TLN2: variants seen among roughly 807,000 people sequenced by gnomAD.
TLN2 encodes the protein talin-2.
Under a neutral mutation model 294.7 loss-of-function variants are expected in TLN2, and 118 were observed. The ratio of observed to expected loss-of-function variants is 0.40; its 90% CI spans 0.34 to 0.47. The LOEUF is 0.47. Among genes scored for constraint, TLN2 ranks in the 20% least tolerant of loss-of-function variants. The probability of loss-of-function intolerance (pLI) is 0.84; values close to 1 mark genes in which losing one functional copy is unlikely to be tolerated. For synonymous variants in TLN2, 1,431 were observed against 1,304.5 expected (o/e 1.10, Z -2.09); for missense variants, 3,083 against 3,282.2 (o/e 0.94, Z 1.48).
chr15:62,557,822 T>C (rs2042694892), intron 1 of TLN2, among the ~76,000 whole-genome samples: 1 of 152,240 alleles, frequency 6.6e-6, no homozygotes, highest in South Asian at 2.1e-4. Flanking sequence ...ATTACAGGCG[T>C]GAGCCACTGT....
intron 1 of TLN2, among the ~76,000 whole-genome samples, chr15:62,444,447 G>A (rs1394472585): frequency 2.0e-5 from 3 of 152,234 alleles, no homozygotes; most frequent in Non-Finnish European, 4.4e-5. Context: ...TACTCCCATA[G>A]CATATAACTT....
intron 1 of TLN2, among the ~76,000 whole-genome samples, chr15:62,395,212 G>A (rs368731063): frequency 7.1e-6 from 1 of 141,250 alleles, no homozygotes; most frequent in East Asian, 2.0e-4. Context: ...TGTGTATCTA[G>A]TAGCCAGGGC....
chr15:62,424,626 G>A (rs903639607), intron 1 of TLN2, among the ~76,000 whole-genome samples: 1 of 152,012 alleles, frequency 6.6e-6, no homozygotes, highest in African/African-American at 2.4e-5. Context: ...TGAAACTGCC[G>A]TCCAGGCATC....
chr15:62,527,311 G>C (rs767217597), intron 1 of TLN2, among the ~76,000 whole-genome samples: 1 of 152,170 alleles, frequency 6.6e-6, no homozygotes, highest in Non-Finnish European at 1.5e-5. Flanking sequence ...TTCTTGGCTG[G>C]TTGAGCTGGG....
chr15:62,761,994 T>C (rs1404249714), intron 38 of TLN2, among the ~76,000 whole-genome samples, 173 bp downstream of exon 38: 1 of 152,178 alleles, frequency 6.6e-6, no homozygotes, highest in African/African-American at 2.4e-5. Flanking sequence ...TACACCTCTG[T>C]TGAGAGATAA....
At chr15:62,775,677 C>T (rs542351296) in intron 42 of TLN2, among the ~76,000 whole-genome samples, 1 of 152,320 alleles carries the variant, frequency 6.6e-6, no homozygotes, top group South Asian at 2.1e-4. Flanking sequence ...TTACTGCTTT[C>T]CACTGGCTTC....
chr15:62,741,123 G>A (rs1477617847), intron 32 of TLN2, among the ~76,000 whole-genome samples: 1 of 152,108 alleles, frequency 6.6e-6, no homozygotes, highest in African/African-American at 2.4e-5. Context: ...TGAAACATCA[G>A]AAAATACTGA....
intron 54 of TLN2, chr15:62,831,285 A>G (rs1035967552): frequency 6.6e-6 from 1 of 152,090 alleles, no homozygotes; most frequent in African/African-American, 2.4e-5. Context: ...AGAGCGTGAG[A>G]GACTTCAGGA....
At chr15:62,715,001 C>A (rs1234177392) in intron 22 of TLN2, among the ~76,000 whole-genome samples, 1 of 152,052 alleles carries the variant, frequency 6.6e-6, no homozygotes, top group African/African-American at 2.4e-5. Flanking sequence ...CAGAAAAAAA[C>A]AAAATGACTT....
At position 62,603,211 on chromosome 15, in the gene TLN2, C is replaced by T. The variant is rs190255534; in HGVS notation, c.-162+13449C>T. Among the ~76,000 whole-genome samples, 145 of 152,242 alleles carry T rather than the reference C, an allele frequency of 9.5e-4. 1 individual carries two copies. In the Middle Eastern group the frequency reaches 0.01, roughly 11 times the overall value. On this transcript the variant is annotated intron_variant, in intron 2 of 58. Transcript: ENST00000636159. ...CCGGCCGAGGCGTTTGGTTTTACCCCAGTTCTCTCTCCATCCTGTTTTCTC... is the reference window on the plus strand; with the variant it reads ...CCGGCCGAGGCGTTTGGTTTTACCCTAGTTCTCTCTCCATCCTGTTTTCTC...
rs373215054 is a variant in TLN2 at position 62,797,293 on chromosome 15, C to T, written c.6125C>T (p.Pro2042Leu). Residue 2042 changes from proline (P) to leucine (L), a missense_variant, in exon 48 of 59, where the codon CCT becomes CTT. Physicochemically the swap from Pro to Leu is moderately conservative, Grantham distance 98. Transcript: ENST00000636159. ...CTTGTGTCAGGAGCTGCGTCCACTC[C>T]TGACAAGCTGGCCCAGGCGGCCCAG... is the stretch of plus-strand genomic sequence containing the variant. Reference protein sequence around the residue: ...KLLVSGAASTPDKLAQAAQSS... With the variant: ...KLLVSGAASTLDKLAQAAQSS... The T allele has an allele frequency of 1.1e-5, 18 of 1,613,768 alleles. No homozygotes were observed. Among genetic ancestry groups the T allele is most frequent in the East Asian group, 8.9e-5 (4 of 44,874 alleles).
At chr15:62,674,439 TC>T (rs2055883489) in intron 10 of TLN2, among the ~76,000 whole-genome samples, 1 of 152,106 alleles carries the variant, frequency 6.6e-6, no homozygotes, top group South Asian at 2.1e-4. Flanking sequence ...TATAAAACAT[TC>T]TTTTCTCCAG....
intron 1 of TLN2, among the ~76,000 whole-genome samples, chr15:62,447,150 C>G (rs1341724032): frequency 8.6e-6 from 1 of 116,328 alleles, no homozygotes; most frequent in Admixed American, 1.0e-4. Flanking sequence ...GTTCAAGAAG[C>G]CTATATTTAT....
rs372146034 is a variant in TLN2, at chr15:62,690,676, T to G, written c.1114-2164T>G. Among the ~76,000 whole-genome samples the G allele has an allele frequency of 1.2e-4, 17 of 145,212 alleles. No homozygotes were observed. The East Asian group carries it at 1.6e-3, about 13-fold the overall frequency. ...CCAAGGCGGGCAGCTGGGAGGTGGA[T>G]GTTGTAGCGAGCCGAGATCACGCCA... On this transcript the variant is annotated intron_variant, in intron 12 of 58. Coordinates refer to ENST00000636159, the MANE Select transcript of TLN2 (RefSeq NM_015059.3).
At chr15:62,731,481 A>G (rs2060722155) in intron 28 of TLN2, among the ~76,000 whole-genome samples, 2 of 152,224 alleles carry the variant, frequency 1.3e-5, no homozygotes, top group Admixed American at 1.3e-4. Context: ...CACAATAAAA[A>G]TGCAGGAACT....
intron 1 of TLN2, among the ~76,000 whole-genome samples, chr15:62,544,540 A>G (rs1184101625): frequency 1.3e-5 from 2 of 152,132 alleles, no homozygotes; most frequent in Non-Finnish European, 2.9e-5. Context: ...TCCTGAAAAA[A>G]CAGACAGATT....
intron 11 of TLN2, among the ~76,000 whole-genome samples, chr15:62,681,748 A>C (rs946857170): frequency 6.6e-6 from 1 of 152,202 alleles, no homozygotes; most frequent in East Asian, 1.9e-4. Flanking sequence ...GTATGTAAAC[A>C]AATGTGGTGA....
intron 1 of TLN2, among the ~76,000 whole-genome samples, chr15:62,465,256 C>T (rs1267361161): frequency 2.0e-5 from 3 of 151,914 alleles, no homozygotes; most frequent in Non-Finnish European, 2.9e-5. Flanking sequence ...TGGGAGTTAT[C>T]GCTTACTTTC....
chr15:62,668,322 C>T (rs993653967), intron 9 of TLN2, among the ~76,000 whole-genome samples: 7 of 152,108 alleles, frequency 4.6e-5, no homozygotes, highest in African/African-American at 1.2e-4. Flanking sequence ...GAAAACATCA[C>T]GTTGTATTCT....
Sources: allele counts gnomAD v4.1 joint callset (sites outside exome capture counted in the v4.1 genomes callset), GRCh38; gene constraint gnomAD v4.1.1; transcripts MANE v1.5; gene names NCBI Gene and HGNC (gene_info 2026-07-23, HGNC 2026-07-21).